The following FKBP14 variants were observed in gnomAD, a reference collection of about 807,000 sequenced individuals.
FKBP14 encodes the protein FKBP prolyl isomerase 14, also known as peptidyl-prolyl cis-trans isomerase FKBP14.
A neutral mutation model predicts 21.6 loss-of-function variants in FKBP14; 20 were observed. That is an observed-to-expected ratio of 0.92 (90% CI 0.65 to 1.34). The LOEUF (loss-of-function observed/expected upper bound fraction) is 1.34, where lower values mean the gene tolerates loss of function less well. Among genes scored for constraint, FKBP14 ranks in the 40% most tolerant of loss-of-function variants. The pLI is 0.00. For missense variants in FKBP14, 253 were observed against 249.0 expected, an observed-to-expected ratio of 1.02 and a Z score of -0.11; for synonymous variants, 79 against 86.7, an observed-to-expected ratio of 0.91 and a Z score of 0.49.
intron 2 of FKBP14, 74 bp downstream of exon 2, chr7:30,022,591 G>T: frequency 6.9e-7 from 1 of 1,451,460 alleles, no homozygotes; most frequent in East Asian, 2.4e-5. Context: ...AAGTTATAGT[G>T]ACTCTAACTT....
rs778007431 is a variant in FKBP14 at position 30,026,393 on chromosome 7, T to C, written c.116A>G (p.His39Arg). ...IEVLQKPFIC[H>R]RKTKGGDLML... is the part of the protein sequence containing the mutation. The stretch of plus-strand genomic sequence containing the variant: ...CAAATCCCCTCCTTTGGTCTTGCGA[T>C]GGCAGATGAATGGCTTCTGGAGAAC... The change falls in exon 1 of 4, where the codon CAT becomes CGT. Residue 39 changes from histidine (H) to arginine (R), a missense_variant. His to Arg is a conservative substitution (Grantham distance 29). Transcript: ENST00000222803. 3.1e-6 allele frequency: 5 copies of C among 1,614,110 alleles called. No individual in the cohort carries two copies. In the South Asian group the frequency reaches 4.4e-5, roughly 14 times the overall value.
Position 30,014,126 on chromosome 7 carries a change from G to A in FKBP14, c.*609C>T. The A allele has an allele frequency of 6.6e-6, 1 of 152,310 alleles. No individual in the cohort carries two copies. 9.4% of individuals were successfully genotyped at this position (152,310 alleles called of 1,614,324 possible). A position where few individuals can be genotyped will look rare whatever the true frequency, so the allele number is the denominator to read the frequency against. On this transcript the variant is annotated 3_prime_UTR_variant, in exon 4 of 4. Coordinates refer to ENST00000222803, the MANE Select transcript of FKBP14 (RefSeq NM_017946.4). ...GATCCGCCCGCCTCAGCCTCCCAAAGTGCTGGGATTACAGGCATGAGCCAC... is the reference window on the plus strand; with the variant it reads ...GATCCGCCCGCCTCAGCCTCCCAAAATGCTGGGATTACAGGCATGAGCCAC...
At chr7:30,022,519 C>G (rs1001638645) in intron 2 of FKBP14, 146 bp downstream of exon 2, 13 of 722,634 alleles carry the variant, frequency 1.8e-5, no homozygotes, top group Non-Finnish European at 2.6e-5. Flanking sequence ...AATTGATACT[C>G]AAGACATAAT....
chr7:30,018,085 C>T (rs1789941298), intron 3 of FKBP14, among the ~76,000 whole-genome samples: 1 of 151,820 alleles, frequency 6.6e-6, no homozygotes. Flanking sequence ...GTTATATATT[C>T]AAAATTATTT....
chr7:30,006,844 C>T (rs1012420634), downstream of FKBP14, among the ~76,000 whole-genome samples: 4 of 152,182 alleles, frequency 2.6e-5, no homozygotes, highest in Non-Finnish European at 5.9e-5. Context: ...GTTACTTCCC[C>T]AAGGAGACCT....
At chr7:30,010,557 T>C (rs573599904), downstream of FKBP14, 3 of 152,338 alleles carry the variant, frequency 2.0e-5, no homozygotes, top group South Asian at 4.1e-4. Context: ...GCTGAGGAAA[T>C]TGGTGTTGAA....
At chr7:30,008,694 C>T (rs554553337), downstream of FKBP14, among the ~76,000 whole-genome samples, 30 of 140,556 alleles carry the variant, frequency 2.1e-4, 1 homozygote, top group South Asian at 2.3e-4. Context: ...AAAAAAAAGC[C>T]GGCCAGGTGC....
At chr7:30,015,600 A>C (rs1408048674) in intron 3 of FKBP14, among the ~76,000 whole-genome samples, 1 of 142,536 alleles carries the variant, frequency 7.0e-6, no homozygotes, top group African/African-American at 2.6e-5. Flanking sequence ...AATACTAGGC[A>C]TTTCTTTTCT....
chr7:30,006,116 CTTTTTTTT>C (rs67895228), downstream of FKBP14, among the ~76,000 whole-genome samples: 3 of 110,354 alleles, frequency 2.7e-5, no homozygotes, highest in Non-Finnish European at 5.4e-5. Context: ...TTAGGATAGT[CTTTTTTTT>C]TTTTTTTTTT....
chr7:30,009,104 A>C (rs1245398581), downstream of FKBP14, among the ~76,000 whole-genome samples: 1 of 152,198 alleles, frequency 6.6e-6, no homozygotes, highest in African/African-American at 2.4e-5. Context: ...GAAACAAAAA[A>C]CAAAAATTCT....
intron 2 of FKBP14, 26 bp from the exon 3 acceptor site, chr7:30,019,149 G>A (rs761926185): frequency 2.6e-6 from 4 of 1,551,492 alleles, no homozygotes; most frequent in South Asian, 2.5e-5. Context: ...AAGGCAGAAA[G>A]TTTTAAAAGA....
intron 2 of FKBP14, among the ~76,000 whole-genome samples, chr7:30,019,399 G>A (rs1368957465): frequency 6.6e-6 from 1 of 152,000 alleles, no homozygotes; most frequent in East Asian, 1.9e-4. Context: ...ACATAGAGAT[G>A]TACCTAATGG....
rs1203953600 is a variant in FKBP14, at chr7:30,013,787, A to C, written c.*948T>G. ...CACACATAAATGATTTGTCCTATTT[A>C]TCATAATAGGCCACCAATCACTAGG... is the stretch of plus-strand genomic sequence containing the variant. On this transcript the variant is annotated 3_prime_UTR_variant, in exon 4 of 4. Transcript: ENST00000222803. 1 of 152,238 alleles carries C rather than the reference A, an allele frequency of 6.6e-6. No homozygotes were observed. Among genetic ancestry groups the C allele is most frequent in the Non-Finnish European group, 1.5e-5 (1 of 68,038 alleles). 9.4% of individuals were successfully genotyped at this position (152,238 alleles called of 1,614,324 possible). A position where few individuals can be genotyped will look rare whatever the true frequency, so the allele number is the denominator to read the frequency against.
intron 3 of FKBP14, among the ~76,000 whole-genome samples, chr7:30,017,392 A>T (rs1789916666): frequency 6.6e-6 from 1 of 151,984 alleles, no homozygotes; most frequent in South Asian, 2.1e-4. Context: ...AACATGGTGA[A>T]ACCCTGTCTC....
At chr7:30,007,912 G>A (rs555813882), downstream of FKBP14, among the ~76,000 whole-genome samples, 1 of 152,110 alleles carries the variant, frequency 6.6e-6, no homozygotes, top group Non-Finnish European at 1.5e-5. Flanking sequence ...AGCCGGGCAC[G>A]CTGGCATGCA....
downstream of FKBP14, among the ~76,000 whole-genome samples, chr7:30,006,102 A>G (rs1344028048): frequency 6.8e-6 from 1 of 146,456 alleles, no homozygotes; most frequent in Admixed American, 7.2e-5. Context: ...ATATACATAT[A>G]TATTTAGGAT....
intron 3 of FKBP14, among the ~76,000 whole-genome samples, chr7:30,017,023 A>G (rs1012439336): frequency 6.6e-6 from 1 of 152,198 alleles, no homozygotes; most frequent in African/African-American, 2.4e-5. Flanking sequence ...ACAAAACAGC[A>G]TGTATAGTTT....
intron 2 of FKBP14, chr7:30,020,187 G>A (rs1327831808): frequency 1.8e-6 from 2 of 1,108,382 alleles, no homozygotes; most frequent in Non-Finnish European, 2.3e-6. Flanking sequence ...CCAAAGAGAA[G>A]ACTTATAAAG....
In FKBP14 at chr7:30,026,510, T is replaced by G; in HGVS notation, c.-2A>C. On this transcript the variant is annotated 5_prime_UTR_variant, in exon 1 of 4. Coordinates refer to ENST00000222803, the MANE Select transcript of FKBP14 (RefSeq NM_017946.4). ...CGCGTTCCACAAGAAAAGCCTCATGTTGCTGAAGCAAGGAAAGAAGTCCCT... is the reference window on the plus strand; with the variant it reads ...CGCGTTCCACAAGAAAAGCCTCATGGTGCTGAAGCAAGGAAAGAAGTCCCT... 6.2e-7 allele frequency: 1 copy of G among 1,604,916 alleles called. No individual in the cohort carries two copies. Among genetic ancestry groups the G allele is most frequent in the Non-Finnish European group, 8.5e-7 (1 of 1,176,126 alleles).
Sources: gnomAD v4.1 joint callset for allele counts (sites outside exome capture counted in the v4.1 genomes callset) on GRCh38, gnomAD v4.1.1 for gene constraint, MANE v1.5 for transcripts, NCBI Gene and HGNC (gene_info 2026-07-23, HGNC 2026-07-21) for gene names.